The following MDGA1 variants were observed in gnomAD, a reference collection of about 807,000 sequenced individuals.
MDGA1 encodes MAM domain containing glycosylphosphatidylinositol anchor 1.
Under a neutral mutation model 101.5 loss-of-function variants are expected in MDGA1, and 54 were observed. That is an observed-to-expected ratio of 0.53 (90% CI 0.43 to 0.67). MDGA1 has a LOEUF of 0.67. Among genes scored for constraint, MDGA1 ranks in the 30% least tolerant of loss-of-function variants. MDGA1 has a pLI of 0.00. For synonymous variants in MDGA1, 533 were observed against 558.3 expected (o/e 0.95, Z 0.64); for missense variants, 1,083 against 1,323.8 (o/e 0.82, Z 2.82).
intron 9 of MDGA1, among the ~76,000 whole-genome samples, chr6:37,647,733 G>C (rs1761244023): frequency 6.6e-6 from 1 of 151,738 alleles, no homozygotes; most frequent in African/African-American, 2.4e-5. Context: ...GGGGAATAGA[G>C]AGAGGAGTGG....
chr6:37,649,033 A>G lies in MDGA1; in HGVS notation c.1843T>C (p.Cys615Arg), dbSNP rs558625235. Residue 615 changes from cysteine (C) to arginine (R), a missense_variant, in exon 9 of 17, where the codon TGC (cysteine) becomes CGC (arginine). By Grantham distance (180) the Cys-to-Arg change is radical. This residue lies in a region of MDGA1 where 657 missense variants were observed against 771.4 expected (regional missense o/e 0.85). Coordinates refer to ENST00000434837, the MANE Select transcript of MDGA1 (RefSeq NM_153487.4). ...VTRDSSGSYE[C>R]SVSNDVGSAA... ...GAGCCCACATCGTTGGAGACGCTGC[A>G]CTCGTAGCTGCCGCTGCTGTCGCGA... 6.5e-7 allele frequency: 1 copy of G among 1,547,660 alleles called. No homozygotes were observed. The highest frequency in any genetic ancestry group is 8.7e-7 in the Non-Finnish European group (1 of 1,146,858).
intron 2 of MDGA1, among the ~76,000 whole-genome samples, chr6:37,658,639 G>A (rs1323470846): frequency 6.6e-6 from 1 of 152,228 alleles, no homozygotes; most frequent in African/African-American, 2.4e-5. Flanking sequence ...GGGATCAGAG[G>A]GAAGAGGCTT....
At chr6:37,679,212 T>G (rs1354871835) in intron 1 of MDGA1, among the ~76,000 whole-genome samples, 5 of 152,066 alleles carry the variant, frequency 3.3e-5, no homozygotes, top group African/African-American at 1.2e-4. Context: ...AACTTTTAAA[T>G]GACTTGAAAT....
intron 1 of MDGA1, among the ~76,000 whole-genome samples, chr6:37,683,669 C>T (rs1762140967): frequency 6.6e-6 from 1 of 152,212 alleles, no homozygotes; most frequent in African/African-American, 2.4e-5. Flanking sequence ...TTCCCTCACC[C>T]CATGGTGGGA....
rs775248474 is a variant in MDGA1 at position 37,652,037 on chromosome 6, A to C, written c.1286T>G (p.Val429Gly). 19 of 1,604,982 alleles carry C rather than the reference A, an allele frequency of 1.2e-5. No individual in the cohort carries two copies. The highest frequency in any genetic ancestry group is 1.6e-5 in the Non-Finnish European group (19 of 1,176,960). The part of the protein sequence containing the change: ...FPGAPVPDLS[V>G]EVNISSETVP... ...TGTCTCAGAGGAGATGTTGACCTCG[A>C]CGCTGAGGTCGGGCACGGGTGCCCC... Residue 429 changes from valine to glycine, a missense_variant, in exon 7 of 17, where the codon GTC (valine) becomes GGC (glycine). Physicochemically the swap from Val to Gly is moderately radical, Grantham distance 109 (BLOSUM62 -3). Around this residue, in one of 3 missense-constraint regions of MDGA1, gnomAD observed 657 missense variants for 771.4 expected, o/e 0.85. Coordinates refer to ENST00000434837, the MANE Select transcript of MDGA1 (RefSeq NM_153487.4). This position sits in a 1 kb window ranked among gnomAD's most constrained non-coding sequence, Gnocchi z 4.3.
chr6:37,665,593 A>G lies in MDGA1; in HGVS notation c.68-1487T>C, dbSNP rs1394386812. ...AAACAATTGCCGACCATCTACTGCC[A>G]GACACCGACTAACTGGCCTCCTGTT... On this transcript the variant is annotated intron_variant, in intron 1 of 16. Coordinates refer to ENST00000434837, the MANE Select transcript of MDGA1 (RefSeq NM_153487.4). 3.3e-5 allele frequency among the ~76,000 whole-genome samples: 5 copies of G among 152,220 alleles called. No homozygotes were observed. In the East Asian group the frequency reaches 7.7e-4, roughly 23 times the overall value.
chr6:37,684,900 T>C (rs1298319599), intron 1 of MDGA1, among the ~76,000 whole-genome samples: 1 of 152,174 alleles, frequency 6.6e-6, no homozygotes, highest in Non-Finnish European at 1.5e-5. Context: ...AACACCGGAA[T>C]CAAACCCAAG....
chr6:37,658,480 G>A (rs1761547194), intron 2 of MDGA1, 61 bp from the exon 3 acceptor site: 11 of 1,487,472 alleles, frequency 7.4e-6, no homozygotes, highest in Middle Eastern at 3.5e-4. Flanking sequence ...GGGCCTCAGC[G>A]CTGAGTGCCC....
In MDGA1 at chr6:37,645,922, G is replaced by C. The variant is rs1761182269; in HGVS notation, c.2248+11C>G. 1 of 1,613,874 alleles carries C rather than the reference G, an allele frequency of 6.2e-7. No individual in the cohort carries two copies. The highest frequency in any genetic ancestry group is 1.3e-5 in the African/African-American group (1 of 74,930). ...GGGAAGGGGAAGTCATGGGTGACTG[G>C]GGAGTCTCACCTGAAAGGTTCGGAG... On this transcript the variant is annotated intron_variant, in intron 12 of 16. Coordinates refer to ENST00000434837, the MANE Select transcript of MDGA1 (RefSeq NM_153487.4).
chr6:37,692,931 A>G (rs1011482418), intron 1 of MDGA1, among the ~76,000 whole-genome samples: 1 of 152,096 alleles, frequency 6.6e-6, no homozygotes, highest in East Asian at 1.9e-4. Flanking sequence ...GTCGGATGGG[A>G]CATCATGAGG....
At chr6:37,694,799 C>A (rs1762383326) in intron 1 of MDGA1, among the ~76,000 whole-genome samples, 1 of 152,166 alleles carries the variant, frequency 6.6e-6, no homozygotes, top group East Asian at 1.9e-4. Flanking sequence ...CACCCAAGGG[C>A]CCAGGGTCGG....
At chr6:37,691,480 T>C (rs1378136185) in intron 1 of MDGA1, among the ~76,000 whole-genome samples, 2 of 152,166 alleles carry the variant, frequency 1.3e-5, no homozygotes, top group Non-Finnish European at 2.9e-5. Context: ...AAAAGGTTCA[T>C]TCCCCCTCAC....
At position 37,638,824 on chromosome 6, in the gene MDGA1, T is replaced by C; in HGVS notation, c.2537-157A>G. ...CCAGCTGGGTGCAATGTCCCATTCCTGCAGGGACACCCTCAGTGTGGGAAA... is the reference window on the plus strand; with the variant it reads ...CCAGCTGGGTGCAATGTCCCATTCCCGCAGGGACACCCTCAGTGTGGGAAA... On this transcript the variant is annotated intron_variant, in intron 14 of 16. Transcript: ENST00000434837. The surrounding 1 kb of genome is among the most constrained non-coding windows in gnomAD (Gnocchi z 4.8). 1.1e-6 allele frequency: 1 copy of C among 889,462 alleles called. No individual in the cohort carries two copies. The highest frequency in any genetic ancestry group is 1.7e-6 in the Non-Finnish European group (1 of 592,854). The allele number at this position is 889,462 out of a possible 1,614,324, so 55.1% of individuals were successfully genotyped here.
intron 1 of MDGA1, among the ~76,000 whole-genome samples, chr6:37,672,527 G>A (rs1254064416): frequency 1.3e-5 from 2 of 152,126 alleles, no homozygotes; most frequent in African/African-American, 2.4e-5. Flanking sequence ...TCTGCAGGCT[G>A]GGAAATGACC....
At chr6:37,665,468 AC>A (rs1761728360) in intron 1 of MDGA1, among the ~76,000 whole-genome samples, 2 of 152,046 alleles carry the variant, frequency 1.3e-5, no homozygotes, top group Non-Finnish European at 2.9e-5. Flanking sequence ...GGTAAGTCAC[AC>A]CCCCTGCACT....
chr6:37,693,153 G>C (rs148214868), intron 1 of MDGA1, among the ~76,000 whole-genome samples: 2 of 152,168 alleles, frequency 1.3e-5, no homozygotes, highest in South Asian at 4.1e-4. Context: ...GGAGCTTCTC[G>C]AGGACAAAAG....
In MDGA1 at chr6:37,635,419, G is replaced by C. The variant is rs1437711107; in HGVS notation, c.*1949C>G. On this transcript the variant is annotated 3_prime_UTR_variant, in exon 17 of 17. Transcript: ENST00000434837. Reference sequence around the variant, plus strand: ...ATGGGACAGTTAAGGAACAATACCCGACAGACGCGATGGAAGTGTATGCTG... The same window carrying C: ...ATGGGACAGTTAAGGAACAATACCCCACAGACGCGATGGAAGTGTATGCTG... 1 of 398,352 alleles carries C rather than the reference G, an allele frequency of 2.5e-6. No homozygotes were observed. Among genetic ancestry groups the C allele is most frequent in the African/African-American group, 2.1e-5 (1 of 48,630 alleles). 24.7% of individuals were successfully genotyped at this position (398,352 alleles called of 1,614,324 possible).
chr6:37,665,199 G>A (rs778810241), intron 1 of MDGA1, among the ~76,000 whole-genome samples: 1 of 152,032 alleles, frequency 6.6e-6, no homozygotes, highest in Non-Finnish European at 1.5e-5. Flanking sequence ...GGCAAACCAG[G>A]TCCCAGCCCC....
At chr6:37,692,239 C>T (rs1406873073) in intron 1 of MDGA1, among the ~76,000 whole-genome samples, 1 of 152,024 alleles carries the variant, frequency 6.6e-6, no homozygotes, top group Non-Finnish European at 1.5e-5. Flanking sequence ...GGGCAGGGCC[C>T]GTAGGCAGTT....
Sources: gnomAD v4.1 joint callset for allele counts (sites outside exome capture counted in the v4.1 genomes callset) on GRCh38, gnomAD v4.1.1 for gene constraint, gnomAD v4.1.1 regional missense constraint, Gnocchi (gnomAD v3.1) non-coding constraint, MANE v1.5 for transcripts, NCBI Gene and HGNC (gene_info 2026-07-23, HGNC 2026-07-21) for gene names.